The following HSF1 variants were observed in gnomAD, a reference collection of about 807,000 sequenced individuals.
HSF1 encodes the protein heat shock factor protein 1.
HSF1 carries 32 observed loss-of-function variants against 51.7 expected under a neutral mutation model. The observed-to-expected ratio is 0.62, with a 90% CI of 0.47 to 0.83. The LOEUF (loss-of-function observed/expected upper bound fraction) is 0.83, where lower values mean the gene tolerates loss of function less well. Among genes scored for constraint, HSF1 ranks in the 40% least tolerant of loss-of-function variants. The pLI is 0.00. For missense variants in HSF1, 727 were observed against 717.0 expected (o/e 1.01, Z -0.16); for synonymous variants, 396 against 309.7 (o/e 1.28, Z -2.92).
chr8:144,312,494 GCCA>G, intron 9 of HSF1: 1 of 834,258 alleles, frequency 1.2e-6, no homozygotes, highest in Non-Finnish European at 1.9e-6. Context: ...TCCTGCTGCC[GCCA>G]CCCTCGCCAC....
chr8:144,298,579 A>G (rs2130342758), intron 1 of HSF1, among the ~76,000 whole-genome samples: 1 of 150,590 alleles, frequency 6.6e-6, no homozygotes, highest in East Asian at 1.9e-4. Context: ...CGCTCCAGCC[A>G]CAGAGCGAGA....
chr8:144,293,241 A>G (rs1554840714), intron 1 of HSF1, among the ~76,000 whole-genome samples: 1 of 152,188 alleles, frequency 6.6e-6, no homozygotes, highest in Non-Finnish European at 1.5e-5. Context: ...AAGACTGGAA[A>G]TCTTTGCTCT....
intron 1 of HSF1, 63 bp from the exon 2 acceptor site, chr8:144,308,843 G>A: frequency 7.6e-7 from 1 of 1,316,508 alleles, no homozygotes. Context: ...CCTGGGGAAG[G>A]GGCGGCTTGG....
Position 144,313,523 on chromosome 8 carries a change from T to C in HSF1, c.1155T>C (p.Ser385=). ...TATCCCGGGCCAGGAATGAGCTCAGTGACCACTTGGATGCTATGGACTCCA... is the reference window on the plus strand; with the variant it reads ...TATCCCGGGCCAGGAATGAGCTCAGCGACCACTTGGATGCTATGGACTCCA... ...SVACLDKNEL[S]DHLDAMDSNL... The change falls in exon 10 of 13, where the codon AGT becomes AGC. Residue 385 remains serine (S), a synonymous_variant. Coordinates refer to ENST00000528838, the MANE Select transcript of HSF1 (RefSeq NM_005526.4). The C allele has an allele frequency of 6.2e-7, 1 of 1,610,858 alleles. No homozygotes were observed. Among genetic ancestry groups the C allele is most frequent in the Non-Finnish European group, 8.5e-7 (1 of 1,178,116 alleles).
At chr8:144,306,294 C>T (rs112047952) in intron 1 of HSF1, among the ~76,000 whole-genome samples, 95 of 149,656 alleles carry the variant, frequency 6.3e-4, no homozygotes, top group African/African-American at 2.1e-3. Flanking sequence ...TTTTTTTTCC[C>T]GTGTATGGGG....
At chr8:144,310,229 C>T (rs529044634) in intron 4 of HSF1, 8 of 257,280 alleles carry the variant, frequency 3.1e-5, no homozygotes, top group East Asian at 9.0e-5. Flanking sequence ...ACAGCAGACC[C>T]GTCCCACCCG....
At chr8:144,312,459 G>A (rs1479533246) in intron 9 of HSF1, among the ~76,000 whole-genome samples, 4 of 152,098 alleles carry the variant, frequency 2.6e-5, no homozygotes, top group African/African-American at 9.7e-5. Context: ...CGGACAGGCT[G>A]CCGGGCCCTG....
At position 144,311,815 on chromosome 8, in the gene HSF1, C is replaced by A; in HGVS notation, c.839C>A (p.Pro280His). The A allele has an allele frequency of 6.2e-7, 1 of 1,610,486 alleles. No homozygotes were observed. Among genetic ancestry groups the A allele is most frequent in the South Asian group, 1.1e-5 (1 of 90,728 alleles). ...ELAPASPMAS[P>H]GGSIDERPLS... ...GCTCCTGCCAGCCCCATGGCCTCCC[C>A]CGGCGGGAGCATAGACGAGAGGTGG... is the stretch of plus-strand genomic sequence containing the variant. The change falls in exon 8 of 13, where the codon CCC becomes CAC. Residue 280 changes from proline (P) to histidine (H), a missense_variant. Transcript: ENST00000528838.
rs781844295 is a variant in HSF1 at position 144,313,838 on chromosome 8, C to T, written c.1249-8C>T. 1.9e-5 allele frequency: 30 copies of T among 1,595,992 alleles called. No individual in the cohort carries two copies. In the Admixed American group the frequency reaches 4.7e-4, roughly 25 times the overall value. The stretch of plus-strand genomic sequence containing the variant: ...GGTGCTGTTCTGACTTCCCTCCCTC[C>T]TCCGCAGCTGTTCAGCCCCTCGGTG... On this transcript the variant is annotated splice_region_variant and splice_polypyrimidine_tract_variant and intron_variant, in intron 10 of 12. Transcript: ENST00000528838.
Position 144,297,051 on chromosome 8 carries a change from G to T in HSF1, c.117+5177G>T, listed in dbSNP as rs1815517196. Among the ~76,000 whole-genome samples the T allele has an allele frequency of 6.6e-6, 1 of 152,108 alleles. No individual in the cohort carries two copies. On this transcript the variant is annotated intron_variant, in intron 1 of 12. Transcript: ENST00000528838. The surrounding 1 kb of genome is among the most constrained non-coding windows in gnomAD (Gnocchi z 4.6). ...AACTCCACAGGCTAGTGTTTGCTCA[G>T]TCCTTTATTGAGGGACCAGGGATGG...
intron 7 of HSF1, 32 bp from the exon 8 acceptor site, chr8:144,311,668 G>T (rs999365684): frequency 1.4e-4 from 227 of 1,610,512 alleles, no homozygotes; most frequent in Non-Finnish European, 1.9e-4. Flanking sequence ...GCCCCTGCCG[G>T]CACTGCATGG....
At chr8:144,303,041 G>A (rs782777559) in intron 1 of HSF1, among the ~76,000 whole-genome samples, 1 of 151,998 alleles carries the variant, frequency 6.6e-6, no homozygotes, top group East Asian at 1.9e-4. Context: ...TGCTGCATCC[G>A]CTTTGGAAAG....
chr8:144,293,262 A>C (rs1564608712), intron 1 of HSF1, among the ~76,000 whole-genome samples: 1 of 152,136 alleles, frequency 6.6e-6, no homozygotes, highest in Non-Finnish European at 1.5e-5. Context: ...TGTTAGAAAC[A>C]CTTTGTGTTT....
intron 6 of HSF1, 38 bp from the exon 7 acceptor site, chr8:144,311,467 G>C (rs1554844448): frequency 6.2e-7 from 1 of 1,612,180 alleles, no homozygotes. Flanking sequence ...GGTACCCCGA[G>C]GTGGGGGGTG....
chr8:144,306,157 T>A (rs1033791996), intron 1 of HSF1, among the ~76,000 whole-genome samples: 5 of 152,230 alleles, frequency 3.3e-5, no homozygotes, highest in Non-Finnish European at 7.3e-5. Flanking sequence ...ATACTTTAGT[T>A]CTTCAGATGT....
At position 144,309,513 on chromosome 8, in the gene HSF1, C is replaced by T. The variant is rs556548523; in HGVS notation, c.285C>T (p.Asp95=). 6.8e-5 allele frequency: 109 copies of T among 1,614,072 alleles called. No homozygotes were observed. Among genetic ancestry groups the T allele is most frequent in the East Asian group, 2.2e-4 (10 of 44,876 alleles). ...EQGGLVKPER[D]DTEFQHPCFL... Reference sequence around the variant, plus strand: ...GCGGCCTGGTCAAGCCAGAGAGAGACGACACGGAGTTCCAGCACCCATGCT... The same window carrying T: ...GCGGCCTGGTCAAGCCAGAGAGAGATGACACGGAGTTCCAGCACCCATGCT... Residue 95 remains aspartate (D), a synonymous_variant, in exon 3 of 13, where the codon GAC becomes GAT. Transcript: ENST00000528838.
Position 144,312,078 on chromosome 8 carries a change from T to C in HSF1, c.976T>C (p.Ser326Pro). Reference protein sequence around the residue: ...GRPSSVDTLLSPTALIDSILR... With the variant: ...GRPSSVDTLLPPTALIDSILR... Reference sequence around the variant, plus strand: ...CCCATCTTCCGTGGACACCCTCTTGTCCCCGACCGCCCTCATTGACTCCAT... The same window carrying C: ...CCCATCTTCCGTGGACACCCTCTTGCCCCCGACCGCCCTCATTGACTCCAT... Residue 326 changes from serine (S) to proline (P), a missense_variant, in exon 9 of 13, where the codon TCC becomes CCC. Transcript: ENST00000528838. 6.2e-7 allele frequency: 1 copy of C among 1,612,152 alleles called. No homozygotes were observed. Among genetic ancestry groups the C allele is most frequent in the Non-Finnish European group, 8.5e-7 (1 of 1,179,756 alleles).
At chr8:144,313,308 T>C (rs1554845409) in intron 9 of HSF1, 1 of 547,016 alleles carries the variant, frequency 1.8e-6, no homozygotes, top group African/African-American at 1.9e-5. Context: ...ATGCCCAGCA[T>C]AGGCCCAGCC....
intron 4 of HSF1, chr8:144,310,226 AC>A (rs1816532730): frequency 3.9e-6 from 1 of 256,640 alleles, no homozygotes; most frequent in Admixed American, 5.1e-5. Flanking sequence ...TGCACAGCAG[AC>A]CCGTCCCACC....
Sources: gnomAD v4.1 joint callset for allele counts (sites outside exome capture counted in the v4.1 genomes callset) on GRCh38, gnomAD v4.1.1 for gene constraint, Gnocchi (gnomAD v3.1) non-coding constraint, MANE v1.5 for transcripts, NCBI Gene and HGNC (gene_info 2026-07-23, HGNC 2026-07-21) for gene names.